SIPA1L1: variants seen among roughly 807,000 people sequenced by gnomAD.
SIPA1L1 encodes the protein signal induced proliferation associated 1 like 1, also known as signal-induced proliferation-associated 1-like protein 1.
Under a neutral mutation model 162.7 loss-of-function variants are expected in SIPA1L1, and 26 were observed. That is an observed-to-expected ratio of 0.16 (90% confidence interval 0.12 to 0.22). The LOEUF is 0.22. Among genes scored for constraint, SIPA1L1 ranks in the 10% least tolerant of loss-of-function variants. The probability of loss-of-function intolerance (pLI) is 1.00; values close to 1 mark genes in which losing one functional copy is unlikely to be tolerated. For missense variants in SIPA1L1, 1,874 were observed against 2,241.0 expected (o/e 0.84, Z 3.31); for synonymous variants, 829 against 837.4 (o/e 0.99, Z 0.17).
chr14:71,423,435 C>T (rs1348900719), intron 2 of SIPA1L1, among the ~76,000 whole-genome samples: 1 of 152,060 alleles, frequency 6.6e-6, no homozygotes, highest in Non-Finnish European at 1.5e-5. Context: ...CTTATGTTTT[C>T]CTGTGAGAGC....
chr14:71,511,766 A>G (rs759547764), intron 2 of SIPA1L1, among the ~76,000 whole-genome samples: 15 of 152,208 alleles, frequency 9.9e-5, no homozygotes, highest in Non-Finnish European at 2.2e-4. Flanking sequence ...GTAATCAGTC[A>G]TGTGAGTAGA....
intron 2 of SIPA1L1, among the ~76,000 whole-genome samples, chr14:71,338,179 ATGT>A (rs988956947): frequency 2.0e-4 from 30 of 152,106 alleles, no homozygotes; most frequent in Middle Eastern, 3.4e-3. Flanking sequence ...CTTCTCTGAC[ATGT>A]TGTTGTATTG....
rs545704069 is a variant in SIPA1L1 at position 71,598,873 on chromosome 14, C to G, written c.1498+9503C>G. Reference sequence around the variant, plus strand: ...AGATCGTTGCTAATAACTATAGTCACTCTAATGTGCTATTGAGCATTAGAA... The same window carrying G: ...AGATCGTTGCTAATAACTATAGTCAGTCTAATGTGCTATTGAGCATTAGAA... On this transcript the variant is annotated intron_variant, in intron 5 of 23. Coordinates refer to ENST00000381232, the MANE Select transcript of SIPA1L1 (RefSeq NM_001386936.1). Among the ~76,000 whole-genome samples the G allele has an allele frequency of 2.0e-5, 3 of 152,016 alleles. No homozygotes were observed. The South Asian group carries it at 6.2e-4, about 32-fold the overall frequency.
intron 3 of SIPA1L1, among the ~76,000 whole-genome samples, chr14:71,528,392 C>T (rs1343100254): frequency 1.3e-5 from 2 of 152,112 alleles, no homozygotes; most frequent in African/African-American, 2.4e-5. Flanking sequence ...CAGTATCTCA[C>T]GTCTGTAATC....
intron 4 of SIPA1L1, among the ~76,000 whole-genome samples, chr14:71,535,161 C>G (rs1218687852): frequency 1.3e-5 from 2 of 152,054 alleles, no homozygotes; most frequent in Non-Finnish European, 2.9e-5. Flanking sequence ...GCAGGGGGAC[C>G]CTATGCCAAC....
intron 2 of SIPA1L1, among the ~76,000 whole-genome samples, chr14:71,472,883 T>A (rs2047572173): frequency 6.9e-6 from 1 of 145,610 alleles, no homozygotes; most frequent in Non-Finnish European, 1.5e-5. Context: ...TCTTACTTGG[T>A]CACCCAGGCT....
At chr14:71,667,564 C>G (rs1051923037) in intron 10 of SIPA1L1, among the ~76,000 whole-genome samples, 2 of 152,184 alleles carry the variant, frequency 1.3e-5, no homozygotes, top group African/African-American at 2.4e-5. Flanking sequence ...GTCCTTTGCC[C>G]AGATCTGCTT....
intron 7 of SIPA1L1, among the ~76,000 whole-genome samples, chr14:71,636,006 A>G (rs923949476): frequency 6.6e-6 from 1 of 152,230 alleles, no homozygotes; most frequent in Non-Finnish European, 1.5e-5. Flanking sequence ...CAATCCACCA[A>G]GAAGACAGCA....
At chr14:71,600,797 G>A (rs899872455) in intron 5 of SIPA1L1, among the ~76,000 whole-genome samples, 10 of 152,000 alleles carry the variant, frequency 6.6e-5, no homozygotes, top group African/African-American at 2.4e-4. Flanking sequence ...TACAACTTTG[G>A]TTTAATTTAT....
chr14:71,651,594 A>G (rs1364904751), intron 8 of SIPA1L1, among the ~76,000 whole-genome samples: 3 of 152,198 alleles, frequency 2.0e-5, no homozygotes, highest in Non-Finnish European at 2.9e-5. Context: ...TTATCCAGCT[A>G]TTCTGATATT....
At chr14:71,466,259 T>C (rs541423223) in intron 2 of SIPA1L1, among the ~76,000 whole-genome samples, 2 of 152,312 alleles carry the variant, frequency 1.3e-5, no homozygotes, top group East Asian at 3.9e-4. Flanking sequence ...AATTTATGAT[T>C]AAACCCATTC....
At chr14:71,337,632 G>A (rs1352540021) in intron 2 of SIPA1L1, among the ~76,000 whole-genome samples, 3 of 152,110 alleles carry the variant, frequency 2.0e-5, no homozygotes, top group Admixed American at 1.3e-4. Context: ...ATCTCCCACC[G>A]GCTCCCTCCC....
At position 71,587,810 on chromosome 14, in the gene SIPA1L1, A is replaced by T; in HGVS notation, c.-63A>T. 6.9e-7 allele frequency: 1 copy of T among 1,452,206 alleles called. No individual in the cohort carries two copies. Among genetic ancestry groups the T allele is most frequent in the Non-Finnish European group, 9.3e-7 (1 of 1,070,312 alleles). 90.0% of individuals were successfully genotyped at this position (1,452,206 alleles called of 1,614,324 possible). On this transcript the variant is annotated 5_prime_UTR_variant, in exon 5 of 24. Transcript: ENST00000381232. ...AAGCCATTCTCCAAAAGGGAAGTGC[A>T]CATTTAAAACACAGATATGATGGTC...
intron 20 of SIPA1L1, 69 bp downstream of exon 20, chr14:71,730,370 C>T (rs1404705547): frequency 7.7e-6 from 12 of 1,563,236 alleles, no homozygotes; most frequent in South Asian, 1.2e-5. Context: ...GACGTGGCTG[C>T]CACTCATGTG....
intron 4 of SIPA1L1, 54 bp from the exon 5 acceptor site, chr14:71,587,517 G>T: frequency 2.5e-6 from 1 of 404,306 alleles, no homozygotes; most frequent in East Asian, 3.5e-5. Flanking sequence ...ACAATTGCAT[G>T]TTTGTTTTTA....
chr14:71,589,492 G>T, intron 5 of SIPA1L1, 122 bp downstream of exon 5: 4 of 595,706 alleles, frequency 6.7e-6, no homozygotes, highest in Admixed American at 3.4e-5. Flanking sequence ...CTTTCTTGAT[G>T]GTAAAATAGC....
rs1407392412 is a variant in SIPA1L1, at chr14:71,589,153, G to A, written c.1281G>A (p.Arg427=). Residue 427 remains arginine (R), a synonymous_variant, in exon 5 of 24, where the codon AGG becomes AGA. Coordinates refer to ENST00000381232, the MANE Select transcript of SIPA1L1 (RefSeq NM_001386936.1). Reference sequence around the variant, plus strand: ...ATGAGATAGGTGGAGAAGGGGAGAGGAAAATCAGCCTTTCAAAATCAAATT... The same window carrying A: ...ATGAGATAGGTGGAGAAGGGGAGAGAAAAATCAGCCTTTCAAAATCAAATT... ...FRNEIGGEGE[R]KISLSKSNSG... is the part of the protein sequence containing the mutation. The A allele has an allele frequency of 4.3e-6, 7 of 1,613,930 alleles. No individual in the cohort carries two copies. The South Asian group carries it at 6.6e-5, about 15-fold the overall frequency.
At chr14:71,483,694 A>C (rs1041695341) in intron 2 of SIPA1L1, among the ~76,000 whole-genome samples, 12 of 152,192 alleles carry the variant, frequency 7.9e-5, no homozygotes, top group African/African-American at 2.7e-4. Flanking sequence ...GTTTCTGTAC[A>C]AAAAGCATGT....
chr14:71,544,327 C>CAT (rs910672983), intron 4 of SIPA1L1, among the ~76,000 whole-genome samples: 1 of 150,088 alleles, frequency 6.7e-6, no homozygotes, highest in Admixed American at 6.6e-5. Context: ...TATGTATATA[C>CAT]ATATATCATG....
Sources: allele counts gnomAD v4.1 joint callset (sites outside exome capture counted in the v4.1 genomes callset), GRCh38; gene constraint gnomAD v4.1.1; transcripts MANE v1.5; gene names NCBI Gene and HGNC (gene_info 2026-07-23, HGNC 2026-07-21).